The following SYT7 variants were observed in gnomAD, a reference collection of about 807,000 sequenced individuals.
The protein encoded by SYT7 is synaptotagmin-7.
Under a neutral mutation model 75.1 loss-of-function variants are expected in SYT7, and 29 were observed. That is an observed-to-expected ratio of 0.39 (90% CI 0.29 to 0.53). The LOEUF is 0.53. Among genes scored for constraint, SYT7 ranks in the 20% least tolerant of loss-of-function variants. The probability of loss-of-function intolerance (pLI) is 0.77; values close to 1 mark genes in which losing one functional copy is unlikely to be tolerated. For missense variants in SYT7, 693 were observed against 953.2 expected, an observed-to-expected ratio of 0.73 and a Z score of 3.59; for synonymous variants, 376 against 401.7, an observed-to-expected ratio of 0.94 and a Z score of 0.76.
chr11:61,562,399 G>A (rs968550817), intron 1 of SYT7, among the ~76,000 whole-genome samples: 1 of 152,198 alleles, frequency 6.6e-6, no homozygotes, highest in East Asian at 1.9e-4. Flanking sequence ...GCTGATAATA[G>A]TATAGTCTCA....
Position 61,524,602 on chromosome 11 carries a change from G to T in SYT7, c.1472-70C>A. On this transcript the variant is annotated intron_variant, in intron 9 of 12. Transcript: ENST00000539008. This position sits in a 1 kb window ranked among gnomAD's most constrained non-coding sequence, Gnocchi z 4.1. ...TGCACGGGGCCCGGGAGGCAAGGAA[G>T]GCCCTGGGAAGAGGAGGCAGGCCCT... The T allele has an allele frequency of 6.8e-7, 1 of 1,480,382 alleles. No individual in the cohort carries two copies. Among genetic ancestry groups the T allele is most frequent in the South Asian group, 1.4e-5 (1 of 73,854 alleles). 91.7% of individuals were successfully genotyped at this position (1,480,382 alleles called of 1,614,324 possible). A position where few individuals can be genotyped will look rare whatever the true frequency, so the allele number is the denominator to read the frequency against.
At chr11:61,549,268 T>C (rs879402092) in intron 3 of SYT7, among the ~76,000 whole-genome samples, 5 of 152,098 alleles carry the variant, frequency 3.3e-5, no homozygotes, top group South Asian at 2.1e-4. Flanking sequence ...TCCACTGCGG[T>C]ACTGGAAAAA....
intron 12 of SYT7, among the ~76,000 whole-genome samples, chr11:61,520,266 G>T (rs545349821): frequency 6.6e-6 from 1 of 151,772 alleles, no homozygotes; most frequent in South Asian, 2.1e-4. Context: ...GCTGACGCCC[G>T]TAATCCCAGC....
chr11:61,517,088 T>A lies in SYT7; in HGVS notation c.*1539A>T, dbSNP rs999575019. 13 of 394,608 alleles carry A rather than the reference T, an allele frequency of 3.3e-5. No individual in the cohort carries two copies. In the East Asian group the frequency reaches 3.9e-4, roughly 12 times the overall value. The allele number at this position is 394,608 out of a possible 1,614,324, so 24.4% of individuals were successfully genotyped here. On this transcript the variant is annotated 3_prime_UTR_variant, in exon 13 of 13. Coordinates refer to ENST00000539008, the MANE Select transcript of SYT7 (RefSeq NM_001365809.2). ...GGGGGCTAAGACCACGGCCACAGAC[T>A]GTGGGGGCCTGGCGCCACCTGGCGG...
At chr11:61,530,195 A>G (rs2062661516) in intron 8 of SYT7, among the ~76,000 whole-genome samples, 1 of 152,170 alleles carries the variant, frequency 6.6e-6, no homozygotes, top group Admixed American at 6.5e-5. Context: ...TCGGCCAGGA[A>G]TCCTGAGTGC....
Position 61,524,284 on chromosome 11 carries a change from G to A in SYT7, c.1641+79C>T, listed in dbSNP as rs1287701020. 6.4e-7 allele frequency: 1 copy of A among 1,551,506 alleles called. No individual in the cohort carries two copies. Among genetic ancestry groups the A allele is most frequent in the Non-Finnish European group, 8.8e-7 (1 of 1,142,678 alleles). ...CCCACAGCCCTCCTGGCCTTCCTAA[G>A]GTTGACAAGGGTCTGGGACCAGATC... On this transcript the variant is annotated intron_variant, in intron 10 of 12. Transcript: ENST00000539008. This position sits in a 1 kb window ranked among gnomAD's most constrained non-coding sequence, Gnocchi z 4.1.
chr11:61,565,593 C>T (rs189169778), intron 1 of SYT7, among the ~76,000 whole-genome samples: 8 of 152,162 alleles, frequency 5.3e-5, no homozygotes, highest in Non-Finnish European at 7.4e-5. Flanking sequence ...TTGAGATAGG[C>T]GAGAAGGAAA....
intron 8 of SYT7, among the ~76,000 whole-genome samples, chr11:61,530,111 G>A (rs936039777): frequency 1.3e-5 from 2 of 152,320 alleles, no homozygotes; most frequent in Middle Eastern, 3.4e-3. Context: ...CTGTGGCTGC[G>A]AGCACAGACA....
At chr11:61,518,835 G>C in intron 12 of SYT7, 104 bp from the exon 13 acceptor site, 2 of 762,750 alleles carry the variant, frequency 2.6e-6, no homozygotes, top group South Asian at 5.5e-5. Flanking sequence ...CCTAGCCTGT[G>C]GCCCCCCAGC....
chr11:61,542,360 G>A lies in SYT7; in HGVS notation c.792C>T (p.Pro264=), dbSNP rs2063068595. ...GAGCCTGGCCCCGGCCATAGGCCCG[G>A]GGGTTGGGGCCTGGTGCCGAGGCCA... ...AHMASAPGPN[P]RAYGRGQARQ... is the part of the protein sequence containing the mutation. Residue 264 remains proline, a synonymous_variant, in exon 6 of 13, where the codon CCC becomes CCT. Coordinates refer to ENST00000539008, the MANE Select transcript of SYT7 (RefSeq NM_001365809.2). This position sits in a 1 kb window ranked among gnomAD's most constrained non-coding sequence, Gnocchi z 7.8. 1 of 1,530,658 alleles carries A rather than the reference G, an allele frequency of 6.5e-7. No homozygotes were observed. The highest frequency in any genetic ancestry group is 8.7e-7 in the Non-Finnish European group (1 of 1,144,378). 94.8% of individuals were successfully genotyped at this position (1,530,658 alleles called of 1,614,324 possible).
intron 1 of SYT7, among the ~76,000 whole-genome samples, chr11:61,572,255 T>A (rs555987330): frequency 2.8e-4 from 42 of 152,184 alleles, no homozygotes; most frequent in African/African-American, 8.7e-4. Flanking sequence ...GTAGAGAGAA[T>A]GGAGACAGGG....
At chr11:61,556,972 A>T (rs182589824) in intron 1 of SYT7, among the ~76,000 whole-genome samples, 12 of 150,106 alleles carry the variant, frequency 8.0e-5, no homozygotes, top group Non-Finnish European at 1.5e-4. Context: ...AGAAGTGGAA[A>T]CCTTGGCACC....
intron 8 of SYT7, among the ~76,000 whole-genome samples, chr11:61,528,865 C>T (rs2062613724): frequency 6.6e-6 from 1 of 152,150 alleles, no homozygotes. Flanking sequence ...TAAAAGGCGC[C>T]TCAGATGACT....
intron 1 of SYT7, among the ~76,000 whole-genome samples, chr11:61,578,907 C>A (rs539112151): frequency 6.6e-6 from 1 of 152,278 alleles, no homozygotes; most frequent in Admixed American, 6.5e-5. Context: ...CCAGAGAGGC[C>A]CATTCAAGGA....
intron 1 of SYT7, among the ~76,000 whole-genome samples, chr11:61,573,083 C>T (rs1415614123): frequency 6.6e-6 from 1 of 152,176 alleles, no homozygotes; most frequent in East Asian, 1.9e-4. Context: ...GGGGGGGTGG[C>T]CCGTCTAGTT....
At chr11:61,557,341 T>TA (rs1174576478) in intron 1 of SYT7, among the ~76,000 whole-genome samples, 19 of 152,238 alleles carry the variant, frequency 1.2e-4, no homozygotes, top group African/African-American at 2.4e-5. Context: ...TCATGGTAAT[T>TA]AAGAGTTGAC....
chr11:61,547,130 T>C (rs1216418862), intron 4 of SYT7, 47 bp downstream of exon 4: 4 of 1,527,706 alleles, frequency 2.6e-6, no homozygotes, highest in Non-Finnish European at 2.6e-6. Context: ...AAGGAGGGCG[T>C]GCGCGGATAC....
Position 61,580,906 on chromosome 11 carries a change from C to A in SYT7, c.-86G>T. The A allele has an allele frequency of 9.2e-7, 1 of 1,090,140 alleles. No homozygotes were observed. Among genetic ancestry groups the A allele is most frequent in the Non-Finnish European group, 1.1e-6 (1 of 898,294 alleles). 67.5% of individuals were successfully genotyped at this position (1,090,140 alleles called of 1,614,324 possible). A position where few individuals can be genotyped will look rare whatever the true frequency, so the allele number is the denominator to read the frequency against. On this transcript the variant is annotated 5_prime_UTR_variant, in exon 1 of 13. Transcript: ENST00000539008. This position sits in a 1 kb window ranked among gnomAD's most constrained non-coding sequence, Gnocchi z 6.1. Reference sequence around the variant, plus strand: ...CCGCCGCCGCCGCTGGGCATGGGGCCGGGCGACCCCCGGGGGCGGGTCCGA... The same window carrying A: ...CCGCCGCCGCCGCTGGGCATGGGGCAGGGCGACCCCCGGGGGCGGGTCCGA...
intron 1 of SYT7, among the ~76,000 whole-genome samples, chr11:61,567,548 TATGGCAGCACCCA>T (rs1590941996): frequency 6.6e-6 from 1 of 152,316 alleles, no homozygotes. Context: ...CAGCTGAAGC[TATGGCAGCACCCA>T]GTGACCTCAA....
Sources: allele counts gnomAD v4.1 joint callset (sites outside exome capture counted in the v4.1 genomes callset), GRCh38; gene constraint gnomAD v4.1.1; non-coding constraint Gnocchi (gnomAD v3.1); transcripts MANE v1.5; gene names NCBI Gene and HGNC (gene_info 2026-07-23, HGNC 2026-07-21).